Variants in POLI observed in about 807,000 individuals in gnomAD.
POLI encodes RAD30 homolog B.
Under a neutral mutation model 51.6 loss-of-function variants are expected in POLI, and 58 were observed. That is an observed-to-expected ratio of 1.12 (90% CI 0.91 to 1.40). The LOEUF (loss-of-function observed/expected upper bound fraction) is 1.40, where lower values mean the gene tolerates loss of function less well. Ranked by LOEUF, POLI falls within the 40% of genes most tolerant of loss-of-function variation. The pLI is 0.00. For synonymous variants in POLI, 322 were observed against 299.7 expected, an observed-to-expected ratio of 1.07 and a Z score of -0.77; for missense variants, 921 against 871.3, an observed-to-expected ratio of 1.06 and a Z score of -0.72.
Position 54,295,026 on chromosome 18 carries a change from C to T in POLI, c.*559C>T, listed in dbSNP as rs2088246500. 4.1e-6 allele frequency: 4 copies of T among 985,188 alleles called. No individual in the cohort carries two copies. In the Admixed American group the frequency reaches 1.8e-4, roughly 46 times the overall value. 61.0% of individuals were successfully genotyped at this position (985,188 alleles called of 1,614,324 possible). ...TACACCAAGAATCTACCACAATACACAGCACACAAAGGCCGTTCAATAAAC... is the reference window on the plus strand; with the variant it reads ...TACACCAAGAATCTACCACAATACATAGCACACAAAGGCCGTTCAATAAAC... On this transcript the variant is annotated 3_prime_UTR_variant, in exon 10 of 10. Transcript: ENST00000579534.
downstream of POLI, among the ~76,000 whole-genome samples, chr18:54,299,385 A>C (rs2088450929): frequency 6.6e-6 from 1 of 152,300 alleles, no homozygotes; most frequent in South Asian, 2.1e-4. Context: ...CAGTGAACCA[A>C]GATCCCACCA....
intron 4 of POLI, among the ~76,000 whole-genome samples, chr18:54,280,270 T>C (rs1024028402): frequency 6.6e-6 from 1 of 152,150 alleles, no homozygotes; most frequent in Non-Finnish European, 1.5e-5. Context: ...TTTCCACTCA[T>C]GGTGGAAGGC....
At position 54,293,974 on chromosome 18, in the gene POLI, T is replaced by G. The variant is rs199674410; in HGVS notation, c.1730T>G (p.Met577Arg). Residue 577 changes from methionine (M) to arginine (R), a missense_variant, in exon 10 of 10, where the codon ATG (methionine) becomes AGG (arginine). Met to Arg is a moderately conservative substitution (Grantham distance 91). Transcript: ENST00000579534. ...TTATCTTTCTTTTCTAAAAAACAAA[T>G]GCAAGATATTCCCATAAATCCTAGA... is the stretch of plus-strand genomic sequence containing the variant. ...GVLSFFSKKQMQDIPINPRDH... is the reference protein window; with the variant it reads ...GVLSFFSKKQRQDIPINPRDH... 6 of 1,612,918 alleles carry G rather than the reference T, an allele frequency of 3.7e-6. No homozygotes were observed. The Admixed American group carries it at 6.7e-5, about 18-fold the overall frequency.
chr18:54,269,925 G>A, intron 1 of POLI: 1 of 1,197,768 alleles, frequency 8.3e-7, no homozygotes, highest in Non-Finnish European at 1.0e-6. Flanking sequence ...CCTCTGTGAG[G>A]GGCGAGGTGG....
chr18:54,292,390 G>C (rs1188578640), intron 9 of POLI, among the ~76,000 whole-genome samples: 2 of 152,048 alleles, frequency 1.3e-5, no homozygotes, highest in East Asian at 3.8e-4. Flanking sequence ...TCTTTTAGCT[G>C]ACACATGAGC....
Position 54,297,047 on chromosome 18 carries a change from T to A in POLI, c.*2580T>A, listed in dbSNP as rs2088365285. ...GAGTTCGTTGCTTCTCTGGGTGAGG[T>A]GGTACAAACTCCTTGGCATACTCTA... On this transcript the variant is annotated 3_prime_UTR_variant, in exon 10 of 10. Transcript: ENST00000579534. 1 of 985,262 alleles carries A rather than the reference T, an allele frequency of 1.0e-6. No individual in the cohort carries two copies. Among genetic ancestry groups the A allele is most frequent in the Non-Finnish European group, 1.2e-6 (1 of 829,904 alleles). The allele number at this position is 985,262 out of a possible 1,614,324, so 61.0% of individuals were successfully genotyped here.
chr18:54,291,845 TGATGACC>T lies in POLI; in HGVS notation c.1212_1218del (p.Met405GlnfsTer7). 1 of 1,531,654 alleles carries T rather than the reference TGATGACC, an allele frequency of 6.5e-7. No homozygotes were observed. Among genetic ancestry groups the T allele is most frequent in the Non-Finnish European group, 9.0e-7 (1 of 1,108,588 alleles). The allele number at this position is 1,531,654 out of a possible 1,614,324, so 94.9% of individuals were successfully genotyped here. ...ACATTTTATTTAGGAAATTATGATG[TGATGACC>T]CCAATGGTTGATATACTTATGAAAC... On this transcript the variant is annotated frameshift_variant, in exon 9 of 10. Coordinates refer to ENST00000579534, the MANE Select transcript of POLI (RefSeq NM_007195.3). LOFTEE classifies it high-confidence loss of function.
In POLI at chr18:54,282,978, A is replaced by G. The variant is rs765990947; in HGVS notation, c.938A>G (p.Glu313Gly). Residue 313 changes from glutamate (E) to glycine (G), a missense_variant, in exon 6 of 10, where the codon GAG becomes GGG. Coordinates refer to ENST00000579534, the MANE Select transcript of POLI (RefSeq NM_007195.3). ...AQRIQKLSFG[E>G]DNSPVILSGP... Reference sequence around the variant, plus strand: ...CGTATCCAAAAGCTCAGTTTTGGAGAGGATAACTCCCCTGTGATACTCTCA... The same window carrying G: ...CGTATCCAAAAGCTCAGTTTTGGAGGGGATAACTCCCCTGTGATACTCTCA... The G allele has an allele frequency of 1.2e-6, 2 of 1,610,996 alleles. No homozygotes were observed. Among genetic ancestry groups the G allele is most frequent in the Non-Finnish European group, 1.7e-6 (2 of 1,178,234 alleles).
At chr18:54,290,165 A>G in intron 8 of POLI, among the ~76,000 whole-genome samples, 1 of 152,262 alleles carries the variant, frequency 6.6e-6, no homozygotes, top group South Asian at 2.1e-4. Flanking sequence ...AAAAGTGGGC[A>G]AAGGATATGA....
chr18:54,283,770 C>A (rs2087621419), intron 6 of POLI, 152 bp from the exon 7 acceptor site: 2 of 453,794 alleles, frequency 4.4e-6, no homozygotes, highest in South Asian at 4.3e-5. Flanking sequence ...AGATAAAAAA[C>A]TGTTAATATA....
Position 54,312,909 on chromosome 18 carries a change from T to G in POLI, c.334-7364T>G, listed in dbSNP as rs141941060. 2.1e-3 allele frequency among the ~76,000 whole-genome samples: 318 copies of G among 152,294 alleles called. 2 individuals carry two copies. The highest frequency in any genetic ancestry group is 7.5e-3 in the African/African-American group (313 of 41,576). Reference sequence around the variant, plus strand: ...TCTCCCATTCTGTAGCTTGTCTGTTTACACCTTTGATAGTTTCTCTTGCTG... The same window carrying G: ...TCTCCCATTCTGTAGCTTGTCTGTTGACACCTTTGATAGTTTCTCTTGCTG... On this transcript the variant is annotated intron_variant, in intron 3 of 4. Transcript: ENST00000579823.
chr18:54,298,139 T>C lies in POLI; in HGVS notation c.*3672T>C, dbSNP rs1476133881. 6 of 769,774 alleles carry C rather than the reference T, an allele frequency of 7.8e-6. No individual in the cohort carries two copies. Among genetic ancestry groups the C allele is most frequent in the East Asian group, 2.5e-4 (2 of 7,864 alleles). The allele number at this position is 769,774 out of a possible 1,614,324, so 47.7% of individuals were successfully genotyped here. A position where few individuals can be genotyped will look rare whatever the true frequency, so the allele number is the denominator to read the frequency against. ...AAAAAAACTTCTATTTTAAAATCTG[T>C]ATATAGAAAGGTACATAAACATAAA... is the stretch of plus-strand genomic sequence containing the variant. On this transcript the variant is annotated 3_prime_UTR_variant, in exon 10 of 10. Transcript: ENST00000579534.
At chr18:54,298,968 G>T (rs560473380), downstream of POLI, among the ~76,000 whole-genome samples, 11 of 152,286 alleles carry the variant, frequency 7.2e-5, no homozygotes, top group African/African-American at 2.6e-4. Flanking sequence ...GGTATGACTT[G>T]ACTGACAATG....
chr18:54,310,991 C>G (rs1217068864), intron 3 of POLI: 1 of 412,392 alleles, frequency 2.4e-6, no homozygotes, highest in Admixed American at 6.4e-5. Context: ...TGCCTGGCCT[C>G]AAGTGATCCT....
chr18:54,295,215 A>G lies in POLI; in HGVS notation c.*748A>G. ...TGATGGGCCTATAAGCATACTGGAT[A>G]ATGGAAGAAGTCCATTTCTTTCTAG... On this transcript the variant is annotated 3_prime_UTR_variant, in exon 10 of 10. Coordinates refer to ENST00000579534, the MANE Select transcript of POLI (RefSeq NM_007195.3). 1 of 985,410 alleles carries G rather than the reference A, an allele frequency of 1.0e-6. No individual in the cohort carries two copies. Among genetic ancestry groups the G allele is most frequent in the Non-Finnish European group, 1.2e-6 (1 of 829,916 alleles). 61.0% of individuals were successfully genotyped at this position (985,410 alleles called of 1,614,324 possible).
At chr18:54,282,740 A>G (rs2144522758) in intron 5 of POLI, 97 bp from the exon 6 acceptor site, 1 of 697,912 alleles carries the variant, frequency 1.4e-6, no homozygotes, top group Admixed American at 3.0e-5. Context: ...TAAATTATAG[A>G]ACTTAAAGAT....
chr18:54,284,302 A>T (rs1418938582), intron 7 of POLI, among the ~76,000 whole-genome samples: 1 of 152,182 alleles, frequency 6.6e-6, no homozygotes, highest in Non-Finnish European at 1.5e-5. Context: ...TATTTCTAAC[A>T]TTTCTAGACT....
chr18:54,297,358 CTCTT>C lies in POLI; in HGVS notation c.*2892_*2895del, dbSNP rs1469971941. The C allele has an allele frequency of 1.0e-6, 1 of 979,768 alleles. No homozygotes were observed. Among genetic ancestry groups the C allele is most frequent in the Admixed American group, 6.3e-5 (1 of 15,858 alleles). The allele number at this position is 979,768 out of a possible 1,614,324, so 60.7% of individuals were successfully genotyped here. A position where few individuals can be genotyped will look rare whatever the true frequency, so the allele number is the denominator to read the frequency against. ...TTTTATTTTTATTTTTTCTGTTTCT[CTCTT>C]GAGTGTATAGTGTAGAGGGGGTTTC... On this transcript the variant is annotated 3_prime_UTR_variant, in exon 10 of 10. Transcript: ENST00000579534.
Position 54,273,983 on chromosome 18 carries a change from T to G in POLI, c.299T>G (p.Val100Gly). 6.3e-7 allele frequency: 1 copy of G among 1,583,328 alleles called. No homozygotes were observed. The highest frequency in any genetic ancestry group is 8.6e-7 in the Non-Finnish European group (1 of 1,163,416). Residue 100 changes from valine (V) to glycine (G), a missense_variant, in exon 3 of 10, where the codon GTT becomes GGT. Physicochemically the swap from Val to Gly is moderately radical, Grantham distance 109 (BLOSUM62 -3). Transcript: ENST00000579534. ...TCNYEARKLG[V>G]KKLMNVRDAK... Reference sequence around the variant, plus strand: ...AACTATGAAGCTAGGAAACTTGGAGTTAAGAAACTTATGAATGTCAGAGAT... The same window carrying G: ...AACTATGAAGCTAGGAAACTTGGAGGTAAGAAACTTATGAATGTCAGAGAT...
Sources: allele counts gnomAD v4.1 joint callset (sites outside exome capture counted in the v4.1 genomes callset), GRCh38; gene constraint gnomAD v4.1.1; transcripts MANE v1.5; gene names NCBI Gene and HGNC (gene_info 2026-07-23, HGNC 2026-07-21).